The following STARD6 variants were observed in gnomAD, a reference collection of about 807,000 sequenced individuals.
The protein encoded by STARD6 is stAR-related lipid transfer protein 6.
A neutral mutation model predicts 22.3 loss-of-function variants in STARD6; 21 were observed. The observed-to-expected ratio is 0.94, with a 90% CI of 0.67 to 1.35. STARD6 has a LOEUF of 1.35. STARD6 is among the 40% of genes most tolerant of loss of function. The pLI, the probability that STARD6 is intolerant of heterozygous loss-of-function variation, is 0.00. For synonymous variants in STARD6, 80 were observed against 88.1 expected, an observed-to-expected ratio of 0.91 and a Z score of 0.52; for missense variants, 269 against 266.9, an observed-to-expected ratio of 1.01 and a Z score of -0.05.
intron 5 of STARD6, among the ~76,000 whole-genome samples, chr18:54,333,452 A>G (rs2088882647): frequency 6.6e-6 from 1 of 152,242 alleles, no homozygotes; most frequent in Non-Finnish European, 1.5e-5. Context: ...TCTGTCTCAA[A>G]AAAAGAAATA....
intron 6 of STARD6, among the ~76,000 whole-genome samples, chr18:54,329,687 A>G (rs924167587): frequency 6.6e-6 from 1 of 152,004 alleles, no homozygotes; most frequent in African/African-American, 2.4e-5. Flanking sequence ...TGTATACAAG[A>G]AAAATGGTTA....
rs775275618 is a variant in STARD6, at chr18:54,324,742, C to A, written c.613G>T (p.Ala205Ser). 1.2e-6 allele frequency: 2 copies of A among 1,612,422 alleles called. No individual in the cohort carries two copies. The highest frequency in any genetic ancestry group is 1.3e-5 in the African/African-American group (1 of 74,718). The change falls in exon 8 of 8, where the codon GCA becomes TCA. Residue 205 changes from alanine to serine, a missense_variant. Transcript: ENST00000307844. ...CCACGTCTTGATGGAGTTCTGTGTG[C>A]CTTTATTCCATCTTTTGCATTGAGG... ...FILNAKDGIK[A>S]HRTPSRRGFH... is the part of the protein sequence containing the mutation.
intron 4 of STARD6, among the ~76,000 whole-genome samples, chr18:54,350,334 G>GT (rs1267766612): frequency 1.3e-5 from 2 of 151,860 alleles, no homozygotes; most frequent in Admixed American, 6.6e-5. Context: ...GGGATTATTT[G>GT]TTTTTTTCTT....
rs116856436 is a variant in STARD6, at chr18:54,337,486, T to C, written c.141-235A>G. Among the ~76,000 whole-genome samples the C allele has an allele frequency of 6.2e-4, 95 of 152,324 alleles. No individual in the cohort carries two copies. In the East Asian group the frequency reaches 0.018, roughly 28 times the overall value. On this transcript the variant is annotated intron_variant, in intron 4 of 7. Coordinates refer to ENST00000307844, the MANE Select transcript of STARD6 (RefSeq NM_139171.2). ...ATTCATTTTTCTATAAGTAGGCTAT[T>C]AGTAATTAAGTTTTTGGGGAGTCAA...
intron 7 of STARD6, among the ~76,000 whole-genome samples, chr18:54,326,416 C>A (rs1020410820): frequency 6.6e-6 from 1 of 151,454 alleles, no homozygotes; most frequent in Non-Finnish European, 1.5e-5. Context: ...ACTGCAAGCC[C>A]CGCCTCCCGG....
chr18:54,343,424 G>T (rs1230646583), intron 4 of STARD6, among the ~76,000 whole-genome samples: 1 of 138,718 alleles, frequency 7.2e-6, no homozygotes, highest in Non-Finnish European at 1.6e-5. Flanking sequence ...AGGTGGGGGG[G>T]TCAGCCCCCT....
At chr18:54,355,793 C>T (rs570492909) in intron 2 of STARD6, 6 of 152,316 alleles carry the variant, frequency 3.9e-5, no homozygotes, top group South Asian at 4.1e-4. Flanking sequence ...GAATGAGTTC[C>T]GGAAGCTGCA....
intron 4 of STARD6, among the ~76,000 whole-genome samples, chr18:54,342,423 G>GTCTCCCTATCCCTCTCCC (rs2088978430): frequency 8.5e-6 from 1 of 118,228 alleles, no homozygotes; most frequent in African/African-American, 4.6e-5. Flanking sequence ...AATGCTCTCC[G>GTCTCCCTATCCCTCTCCC]TCTCCCTCTC....
At chr18:54,330,479 G>A (rs188999913) in intron 6 of STARD6, among the ~76,000 whole-genome samples, 29 of 152,072 alleles carry the variant, frequency 1.9e-4, no homozygotes, top group Non-Finnish European at 3.4e-4. Context: ...TTAATTCTGG[G>A]TTACCTACTT....
At chr18:54,356,822 A>G (rs1427325538) in intron 1 of STARD6, among the ~76,000 whole-genome samples, 1 of 152,200 alleles carries the variant, frequency 6.6e-6, no homozygotes, top group Non-Finnish European at 1.5e-5. Context: ...AACCTACTTG[A>G]TATTAATTGA....
chr18:54,338,798 A>G (rs527487832), intron 4 of STARD6, among the ~76,000 whole-genome samples: 2 of 152,014 alleles, frequency 1.3e-5, no homozygotes, highest in Admixed American at 6.5e-5. Flanking sequence ...TCCTGTAATC[A>G]CAGCACTTTG....
At chr18:54,325,450 T>A (rs2088817632) in intron 7 of STARD6, among the ~76,000 whole-genome samples, 2 of 152,216 alleles carry the variant, frequency 1.3e-5, no homozygotes, top group Non-Finnish European at 2.9e-5. Context: ...TATTTCATTT[T>A]CTATTTAACA....
intron 6 of STARD6, among the ~76,000 whole-genome samples, chr18:54,331,252 C>T (rs776400767): frequency 1.7e-4 from 26 of 151,942 alleles, no homozygotes; most frequent in Non-Finnish European, 1.6e-4. Flanking sequence ...TACACATTTG[C>T]ATTTTACAGA....
intron 5 of STARD6, among the ~76,000 whole-genome samples, chr18:54,335,998 A>G (rs765392794): frequency 2.6e-5 from 4 of 152,128 alleles, no homozygotes; most frequent in Non-Finnish European, 5.9e-5. Flanking sequence ...TCTTTTCACC[A>G]TGTATCATTA....
In STARD6 at chr18:54,354,548, T is replaced by A; in HGVS notation, c.26A>T (p.Gln9Leu). The change falls in exon 3 of 8, where the codon CAA becomes CTA. Residue 9 changes from glutamine (Q) to leucine (L), a missense_variant. Gln to Leu is a moderately radical substitution (Grantham distance 113). Transcript: ENST00000307844. ...ATAACCTAAAACTTCTTGGGCAGTT[T>A]GTTGGGCAATTGCCTTGAAGTCCAT... Reference protein sequence around the residue: MDFKAIAQQTAQEVLGYNR... With the variant: MDFKAIAQLTAQEVLGYNR... 1 of 1,613,292 alleles carries A rather than the reference T, an allele frequency of 6.2e-7. No homozygotes were observed. Among genetic ancestry groups the A allele is most frequent in the Non-Finnish European group, 8.5e-7 (1 of 1,179,624 alleles).
At chr18:54,336,411 T>G (rs543060046) in intron 5 of STARD6, among the ~76,000 whole-genome samples, 100 of 152,192 alleles carry the variant, frequency 6.6e-4, no homozygotes, top group African/African-American at 2.3e-3. Context: ...GTGAAGAAGG[T>G]GCCTGCTTCT....
At chr18:54,338,724 G>A (rs2144677328) in intron 4 of STARD6, among the ~76,000 whole-genome samples, 1 of 151,996 alleles carries the variant, frequency 6.6e-6, no homozygotes, top group East Asian at 1.9e-4. Context: ...CATTTTAGGA[G>A]GCCTTATCAT....
chr18:54,329,502 A>G lies in STARD6; in HGVS notation c.386-62T>C, dbSNP rs928017167. On this transcript the variant is annotated intron_variant, in intron 6 of 7. Coordinates refer to ENST00000307844, the MANE Select transcript of STARD6 (RefSeq NM_139171.2). ...ACAAAGAGGAAAAACTATTTCCAGC[A>G]GCATATTTTTAGAAACATATAGCAT... 13 of 1,332,578 alleles carry G rather than the reference A, an allele frequency of 9.8e-6. 1 individual carries two copies. The highest frequency in any genetic ancestry group is 6.5e-5 in the South Asian group (5 of 76,570). 82.5% of individuals were successfully genotyped at this position (1,332,578 alleles called of 1,614,324 possible). A position where few individuals can be genotyped will look rare whatever the true frequency, so the allele number is the denominator to read the frequency against.
intron 7 of STARD6, among the ~76,000 whole-genome samples, chr18:54,326,326 C>CTTTTTTTTT (rs11353724): frequency 8.3e-6 from 1 of 120,272 alleles, no homozygotes; most frequent in Non-Finnish European, 1.7e-5. Context: ...GCTGACAGGT[C>CTTTTTTTTT]TTTTTTTTTT....
Sources: gnomAD v4.1 joint callset for allele counts (sites outside exome capture counted in the v4.1 genomes callset) on GRCh38, gnomAD v4.1.1 for gene constraint, MANE v1.5 for transcripts, NCBI Gene and HGNC (gene_info 2026-07-23, HGNC 2026-07-21) for gene names.